The following FBXL5 variants were observed in gnomAD, a reference collection of about 807,000 sequenced individuals.
FBXL5 encodes the protein F-box/LRR-repeat protein 5.
In FBXL5, 26 loss-of-function variants were observed where a neutral mutation model predicts 78.3. That is an observed-to-expected ratio of 0.33 (90% CI 0.24 to 0.46). FBXL5 has a LOEUF of 0.46. Among genes scored for constraint, FBXL5 ranks in the 20% least tolerant of loss-of-function variants. The pLI is 1.00. For missense variants in FBXL5, 710 were observed against 829.2 expected (o/e 0.86, Z 1.77); for synonymous variants, 295 against 282.5 (o/e 1.04, Z -0.45).
upstream of FBXL5, among the ~76,000 whole-genome samples, chr4:15,664,795 G>GT (rs1211901951): frequency 6.6e-6 from 1 of 151,924 alleles, no homozygotes; most frequent in African/African-American, 2.4e-5. Flanking sequence ...CTGACCTCAG[G>GT]TGATCTGCCC....
At chr4:15,615,289 G>C (rs1450309756) in intron 9 of FBXL5, among the ~76,000 whole-genome samples, 1 of 152,156 alleles carries the variant, frequency 6.6e-6, no homozygotes, top group East Asian at 1.9e-4. Context: ...CCCAAGGGCT[G>C]AGGAGTGCAA....
chr4:15,630,471 T>C (rs1278890496), intron 6 of FBXL5, among the ~76,000 whole-genome samples, 195 bp downstream of exon 6: 1 of 152,226 alleles, frequency 6.6e-6, no homozygotes, highest in Non-Finnish European at 1.5e-5. Context: ...GAAATAATCC[T>C]ATGCACTCTT....
rs200674716 is a variant in FBXL5, at chr4:15,666,016, C to CT, written c.-283-6095dup. On this transcript the variant is annotated intron_variant, in intron 1 of 4. Coordinates refer to the FBXL5 transcript ENST00000507899. ...ATTGCCTCAATTTCCTACTGACAAC[C>CT]TTTTTTTAAAAAAAAAAAAATGACC... Among the ~76,000 whole-genome samples, 1,343 of 138,698 alleles carry CT rather than the reference C, an allele frequency of 9.7e-3. 17 individuals are homozygous for CT. The highest frequency in any genetic ancestry group is 0.03 in the African/African-American group (1,143 of 38,392). 91.0% of individuals were successfully genotyped at this position (138,698 alleles called of 152,430 possible).
intron 1 of FBXL5, among the ~76,000 whole-genome samples, chr4:15,672,858 T>C (rs145008160): frequency 1.3e-5 from 2 of 151,846 alleles, no homozygotes; most frequent in African/African-American, 4.9e-5. Context: ...AAATACATGT[T>C]GTACAGCTGT....
At position 15,617,552 on chromosome 4, in the gene FBXL5, A is replaced by C. The variant is rs551585192; in HGVS notation, c.1851-5138T>G. 6.6e-5 allele frequency among the ~76,000 whole-genome samples: 10 copies of C among 151,842 alleles called. No homozygotes were observed. In the South Asian group the frequency reaches 1.7e-3, roughly 25 times the overall value. ...GAGTGAGACTCCATGTCTCAAAAAAAAAAAAAAAAAGAAAGAAAACGTGGT... is the reference window on the plus strand; with the variant it reads ...GAGTGAGACTCCATGTCTCAAAAAACAAAAAAAAAAGAAAGAAAACGTGGT... On this transcript the variant is annotated intron_variant, in intron 9 of 10. Transcript: ENST00000341285.
At chr4:15,651,080 A>G (rs756520515) in intron 1 of FBXL5, among the ~76,000 whole-genome samples, 1 of 152,202 alleles carries the variant, frequency 6.6e-6, no homozygotes, top group African/African-American at 2.4e-5. Flanking sequence ...AAACACATAT[A>G]TTATTCCCCC....
chr4:15,655,703 A>G (rs1465922449), upstream of FBXL5, among the ~76,000 whole-genome samples: 4 of 152,182 alleles, frequency 2.6e-5, no homozygotes, highest in African/African-American at 4.8e-5. Context: ...GCCAAGCACA[A>G]TGGCCGCGGT....
intron 1 of FBXL5, among the ~76,000 whole-genome samples, chr4:15,677,562 G>A (rs181984551): frequency 6.6e-6 from 1 of 152,232 alleles, no homozygotes; most frequent in East Asian, 1.9e-4. Flanking sequence ...TCAAATAAGT[G>A]ACTAGTGATT....
rs114108571 is a variant in FBXL5, at chr4:15,671,771, T to G, written c.-284+9612A>C. 5.7e-3 allele frequency among the ~76,000 whole-genome samples: 862 copies of G among 152,296 alleles called. 7 individuals carry two copies. The highest frequency in any genetic ancestry group is 0.02 in the African/African-American group (825 of 41,554). On this transcript the variant is annotated intron_variant, in intron 1 of 4. Transcript: ENST00000507899. ...ACTATTTTTTTGGTGTGACTTTGAT[T>G]AGTTTCTATTGCTATGTCTTCTTCA... is the stretch of plus-strand genomic sequence containing the variant.
At chr4:15,605,926 CATG>C (rs1721855053) in intron 10 of FBXL5, 127 bp from the exon 11 acceptor site, 1 of 679,194 alleles carries the variant, frequency 1.5e-6, no homozygotes, top group Non-Finnish European at 2.6e-6. Flanking sequence ...AAGTAAATCT[CATG>C]ATAAGTGTAT....
rs142646493 is a variant in FBXL5 at position 15,620,952 on chromosome 4, A to G, written c.1850+4300T>C. Among the ~76,000 whole-genome samples the G allele has an allele frequency of 2.9e-3, 435 of 152,322 alleles. 6 individuals carry two copies. The highest frequency in any genetic ancestry group is 0.01 in the African/African-American group (422 of 41,552). On this transcript the variant is annotated intron_variant, in intron 9 of 10. Coordinates refer to ENST00000341285, the MANE Select transcript of FBXL5 (RefSeq NM_012161.4). ...AAGGGATACTTTTAGTTAATCTAGT[A>G]TCTATAGAAACAATGCTAATGACTG...
chr4:15,628,148 A>C (rs1436740901), intron 6 of FBXL5, 115 bp from the exon 7 acceptor site: 1 of 997,878 alleles, frequency 1.0e-6, no homozygotes, highest in Non-Finnish European at 1.4e-6. Flanking sequence ...ATACTTTCTT[A>C]TGTAAACCAT....
chr4:15,656,327 G>A, upstream of FBXL5: 1 of 456,230 alleles, frequency 2.2e-6, no homozygotes, highest in Non-Finnish European at 4.4e-6. Flanking sequence ...TCTTAGATTG[G>A]TTGGCTGGAG....
At position 15,637,901 on chromosome 4, in the gene FBXL5, T is replaced by A. The variant is rs990765092; in HGVS notation, c.583+607A>T. Among the ~76,000 whole-genome samples, 500 of 136,068 alleles carry A rather than the reference T, an allele frequency of 3.7e-3. 3 individuals are homozygous for A. Among genetic ancestry groups the A allele is most frequent in the African/African-American group, 0.013 (485 of 37,744 alleles). The allele number at this position is 136,068 out of a possible 152,430, so 89.3% of individuals were successfully genotyped here. A position where few individuals can be genotyped will look rare whatever the true frequency, so the allele number is the denominator to read the frequency against. ...AATAATTACTGAGGAACTAGTTTTT[T>A]TAAAAAAAAAAAAAAAGGCAGCACG... On this transcript the variant is annotated intron_variant, in intron 4 of 10. Transcript: ENST00000341285.
chr4:15,610,137 A>T (rs566234858), intron 10 of FBXL5, among the ~76,000 whole-genome samples: 66 of 152,208 alleles, frequency 4.3e-4, no homozygotes, highest in Admixed American at 2.8e-3. Flanking sequence ...GCCCCTGAGC[A>T]TTCACTAGAT....
intron 5 of FBXL5, among the ~76,000 whole-genome samples, chr4:15,635,224 T>C (rs1328457590): frequency 1.3e-5 from 2 of 151,582 alleles, no homozygotes; most frequent in African/African-American, 2.4e-5. Flanking sequence ...TCGCAGCTAC[T>C]TGGGAGGCTG....
intron 1 of FBXL5, among the ~76,000 whole-genome samples, chr4:15,665,314 C>T (rs749198855): frequency 2.8e-4 from 43 of 152,116 alleles, no homozygotes; most frequent in Non-Finnish European, 5.0e-4. Flanking sequence ...GCATCAGATG[C>T]GGTGTCAGGC....
intron 1 of FBXL5, among the ~76,000 whole-genome samples, chr4:15,646,655 C>T (rs1715379333): frequency 1.3e-5 from 2 of 151,800 alleles, no homozygotes; most frequent in African/African-American, 4.8e-5. Context: ...ATTAACCCGT[C>T]ATCTAACATT....
At position 15,625,583 on chromosome 4, in the gene FBXL5, T is replaced by C. The variant is rs765949930; in HGVS notation, c.1519A>G (p.Met507Val). The C allele has an allele frequency of 1.6e-5, 26 of 1,614,116 alleles. No individual in the cohort carries two copies. Among genetic ancestry groups the C allele is most frequent in the Non-Finnish European group, 1.9e-5 (23 of 1,180,052 alleles). Residue 507 changes from methionine (M) to valine (V), a missense_variant, in exon 9 of 11, where the codon ATG (methionine) becomes GTG (valine). Transcript: ENST00000341285. ...CAACTAAAGTTGGATGCTGTTTCCA[T>C]TACACAAAGACTTTCAACATTTCTA... ...RHRNVESLCV[M>V]ETASNFSCST...
Sources: gnomAD v4.1 joint callset for allele counts (sites outside exome capture counted in the v4.1 genomes callset) on GRCh38, gnomAD v4.1.1 for gene constraint, MANE v1.5 for transcripts, NCBI Gene and HGNC (gene_info 2026-07-23, HGNC 2026-07-21) for gene names.